COL5A3: variants seen among roughly 807,000 people sequenced by gnomAD.
The protein encoded by COL5A3 is collagen type V alpha 3 chain, also known as collagen alpha-3(V) chain.
In COL5A3, 172 loss-of-function variants were observed where a neutral mutation model predicts 250.0. That is an observed-to-expected ratio of 0.69 (90% CI 0.61 to 0.78). COL5A3 has a LOEUF of 0.78. Among genes scored for constraint, COL5A3 ranks in the 30% least tolerant of loss-of-function variants. The pLI, the probability that COL5A3 is intolerant of heterozygous loss-of-function variation, is 0.00. For missense variants in COL5A3, 2,340 were observed against 2,334.4 expected (o/e 1.00, Z -0.05); for synonymous variants, 937 against 900.4 (o/e 1.04, Z -0.73).
rs2087440544 is a variant in COL5A3 at position 10,006,147 on chromosome 19, G to A, written c.173C>T (p.Thr58Ile). The change falls in exon 2 of 67, where the codon ACT becomes ATT. Residue 58 changes from threonine (T) to isoleucine (I), a missense_variant. This residue lies in a region of COL5A3 where 1,152 missense variants were observed against 1,146.3 expected (regional missense o/e 1.00). Coordinates refer to ENST00000264828, the MANE Select transcript of COL5A3 (RefSeq NM_015719.4). ...TCTGAATGCCCGGTCACCCTCTGGA[G>A]TCCTCTGGGGACAGAAGCCAGGCCC... The part of the protein sequence containing the change: ...PEGPGFCPQR[T>I]PEGDRAFRIG... The A allele has an allele frequency of 6.2e-7, 1 of 1,612,360 alleles. No homozygotes were observed. The highest frequency in any genetic ancestry group is 8.5e-7 in the Non-Finnish European group (1 of 1,179,330).
At chr19:9,998,376 G>A (rs1002039403) in intron 8 of COL5A3, among the ~76,000 whole-genome samples, 1 of 152,290 alleles carries the variant, frequency 6.6e-6, no homozygotes, top group African/African-American at 2.4e-5. Context: ...GAAATCCAGA[G>A]ACTGCTGCCC....
chr19:10,005,858 C>A lies in COL5A3; in HGVS notation c.375G>T (p.Ala125=), dbSNP rs1458077537. The A allele has an allele frequency of 4.3e-6, 7 of 1,613,698 alleles. No homozygotes were observed. Among genetic ancestry groups the A allele is most frequent in the Non-Finnish European group, 5.1e-6 (6 of 1,179,956 alleles). Residue 125 remains alanine (A), a synonymous_variant, in exon 3 of 67, where the codon GCG becomes GCT. Transcript: ENST00000264828. ...ARQLGLALGP[A]LGLLGDPFRP... ...GGAAGGGGTCACCTAGGAGACCCAG[C>A]GCTGGCCCCAGTGCCAGGCCCAACT...
chr19:9,972,834 CAAAAA>C, intron 51 of COL5A3, 80 bp downstream of exon 51: 1 of 805,576 alleles, frequency 1.2e-6, no homozygotes, highest in Non-Finnish European at 1.8e-6. Context: ...GACTCCATCT[CAAAAA>C]AAAAAAAAAG....
intron 21 of COL5A3, 21 bp downstream of exon 21, chr19:9,992,806 C>A (rs1599218424): frequency 6.2e-7 from 1 of 1,612,232 alleles, no homozygotes; most frequent in Non-Finnish European, 8.5e-7. Flanking sequence ...GACAGGGATG[C>A]AGAGAGCCAG....
At chr19:10,002,229 G>A (rs952273151) in intron 6 of COL5A3, among the ~76,000 whole-genome samples, 65 of 151,562 alleles carry the variant, frequency 4.3e-4, no homozygotes, top group Non-Finnish European at 9.0e-4. Context: ...AGGGAGTGGC[G>A]GCTCCTTCTG....
At chr19:9,964,622 C>T (rs2086712912) in intron 64 of COL5A3, among the ~76,000 whole-genome samples, 1 of 151,806 alleles carries the variant, frequency 6.6e-6, no homozygotes, top group African/African-American at 2.4e-5. Flanking sequence ...ACAAAAATAA[C>T]AATAACAATA....
rs781327554 is a variant in COL5A3 at position 10,001,774 on chromosome 19, G to T, written c.957C>A (p.Ile319=). The change falls in exon 7 of 67, where the codon ATC becomes ATA. Residue 319 remains isoleucine (I), a synonymous_variant. Coordinates refer to ENST00000264828, the MANE Select transcript of COL5A3 (RefSeq NM_015719.4). ...TCTTCCATCCCCATCCAACCTCTAG[G>T]ATCGTGGCATTGAGTCCAGTAGTCA... ...STVTTGLNAT[I]LERSLDPDSG... The T allele has an allele frequency of 1.2e-6, 2 of 1,614,014 alleles. No homozygotes were observed. Among genetic ancestry groups the T allele is most frequent in the Non-Finnish European group, 1.7e-6 (2 of 1,179,904 alleles).
intron 27 of COL5A3, 80 bp from the exon 28 acceptor site, chr19:9,986,838 A>G (rs2087108122): frequency 1.3e-6 from 2 of 1,503,548 alleles, no homozygotes; most frequent in Non-Finnish European, 1.8e-6. Context: ...GCTCTAAAGC[A>G]GCCAGGATAG....
chr19:9,966,472 C>T (rs563370281), intron 63 of COL5A3, 46 bp from the exon 64 acceptor site: 13 of 1,570,602 alleles, frequency 8.3e-6, no homozygotes, highest in African/African-American at 1.4e-5. Flanking sequence ...TGGGACCCGA[C>T]GGACCCCAAC....
chr19:9,982,633 C>T (rs147250590), intron 31 of COL5A3, among the ~76,000 whole-genome samples: 203 of 152,296 alleles, frequency 1.3e-3, no homozygotes, highest in African/African-American at 4.6e-3. Context: ...TATTTGTTAA[C>T]TGACTCCAGT....
At chr19:9,977,855 G>A (rs1265363633) in intron 41 of COL5A3, among the ~76,000 whole-genome samples, 154 bp from the exon 42 acceptor site, 4 of 151,604 alleles carry the variant, frequency 2.6e-5, no homozygotes, top group African/African-American at 9.7e-5. Context: ...GTGAGCACCT[G>A]AGGGGCAGGG....
intron 16 of COL5A3, 94 bp downstream of exon 16, chr19:9,995,470 C>T (rs768715337): frequency 2.8e-5 from 32 of 1,131,484 alleles, no homozygotes; most frequent in Middle Eastern, 2.1e-4. Context: ...TTCCCACTAA[C>T]GACACCAGCA....
At position 9,966,664 on chromosome 19, in the gene COL5A3, T is replaced by C; in HGVS notation, c.4541A>G (p.Glu1514Gly). ...VPLPVVEGGL[E>G]EVLASLTSLS... ...CGATGTGAGCGAGGCCAGCACCTCC[T>C]CCAGGCCGCCCTCCACGACTGGAAG... is the stretch of plus-strand genomic sequence containing the variant. Residue 1514 changes from glutamate to glycine, a missense_variant, in exon 63 of 67, where the codon GAG (glutamate) becomes GGG (glycine). Physicochemically the swap from Glu to Gly is moderately conservative, Grantham distance 98. Transcript: ENST00000264828. 6.5e-7 allele frequency: 1 copy of C among 1,537,914 alleles called. No individual in the cohort carries two copies. The highest frequency in any genetic ancestry group is 1.2e-5 in the South Asian group (1 of 84,080).
At chr19:9,983,631 AAG>A (rs139883377) in intron 31 of COL5A3, among the ~76,000 whole-genome samples, 30,501 of 127,458 alleles carry the variant, frequency 0.24, 5,027 homozygotes, top group Non-Finnish European at 0.29. Context: ...AGAAAGAAAG[AAG>A]AGAGAGAGAG....
chr19:9,966,211 G>C, intron 64 of COL5A3, 103 bp downstream of exon 64: 1 of 872,560 alleles, frequency 1.1e-6, no homozygotes, highest in Non-Finnish European at 1.8e-6. Flanking sequence ...CTCAATAAAT[G>C]CCGGTTGAAG....
Position 9,986,140 on chromosome 19 carries a change from T to C in COL5A3, c.2352+175A>G, listed in dbSNP as rs3745590. Among the ~76,000 whole-genome samples, 46 of 152,306 alleles carry C rather than the reference T, an allele frequency of 3.0e-4. 1 individual carries two copies. The East Asian group carries it at 6.2e-3, about 20-fold the overall frequency. ...CTATTGCATGTGGTGGTTATGGATA[T>C]GAACACATAAGTTGCATGCATTAAA... On this transcript the variant is annotated intron_variant, in intron 30 of 66. Transcript: ENST00000264828.
At chr19:9,966,804 G>A in intron 62 of COL5A3, 58 bp from the exon 63 acceptor site, 2 of 1,338,758 alleles carry the variant, frequency 1.5e-6, no homozygotes, top group South Asian at 1.3e-5. Flanking sequence ...GAGAGAGAGG[G>A]AGAAAGAGAG....
At chr19:10,004,942 G>T (rs1007141852) in intron 4 of COL5A3, among the ~76,000 whole-genome samples, 1 of 152,016 alleles carries the variant, frequency 6.6e-6, no homozygotes, top group African/African-American at 2.4e-5. Flanking sequence ...CCAAGTAGGC[G>T]CTGTCACAAT....
At position 9,967,384 on chromosome 19, in the gene COL5A3, C is replaced by T. The variant is rs370182126; in HGVS notation, c.4421G>A (p.Arg1474His). 6.1e-6 allele frequency: 9 copies of T among 1,479,578 alleles called. No homozygotes were observed. The highest frequency in any genetic ancestry group is 1.7e-4 in the Middle Eastern group (1 of 5,762). The allele number at this position is 1,479,578 out of a possible 1,614,324, so 91.7% of individuals were successfully genotyped here. Residue 1474 changes from arginine (R) to histidine (H), a missense_variant, in exon 62 of 67, where the codon CGT becomes CAT. Around this residue, in one of 3 missense-constraint regions of COL5A3, gnomAD observed 1,179 missense variants for 1,162.6 expected, o/e 1.01. Coordinates refer to ENST00000264828, the MANE Select transcript of COL5A3 (RefSeq NM_015719.4). Reference protein sequence around the residue: ...SKGSPGSMGPRGDTGPAGPPG... With the variant: ...SKGSPGSMGPHGDTGPAGPPG... ...TGGGCCTGCAGGTCCAGTGTCTCCA[C>T]GGGGGCCCATGGACCCCTGTAGGGA...
Sources: gnomAD v4.1 joint callset for allele counts (sites outside exome capture counted in the v4.1 genomes callset) on GRCh38, gnomAD v4.1.1 for gene constraint, gnomAD v4.1.1 regional missense constraint, MANE v1.5 for transcripts, NCBI Gene and HGNC (gene_info 2026-07-23, HGNC 2026-07-21) for gene names.